PPP1R42: variants seen among roughly 807,000 people sequenced by gnomAD.
PPP1R42 encodes protein phosphatase 1 regulatory subunit 42.
In PPP1R42, 34 loss-of-function variants were observed where a neutral mutation model predicts 31.0. The observed-to-expected ratio is 1.10, with a 90% CI of 0.83 to 1.46. The LOEUF (loss-of-function observed/expected upper bound fraction) is 1.46. PPP1R42 is among the 40% of genes most tolerant of loss of function. PPP1R42 has a pLI of 0.00. For synonymous variants in PPP1R42, 103 were observed against 109.8 expected (o/e 0.94, Z 0.39); for missense variants, 268 against 303.0 (o/e 0.88, Z 0.86).
chr8:66,985,316 T>G lies in PPP1R42; in HGVS notation c.670+3084A>C, dbSNP rs1037514114. On this transcript the variant is annotated intron_variant, in intron 6 of 7. Coordinates refer to ENST00000685739, the MANE Select transcript of PPP1R42 (RefSeq NM_001364910.1). ...CAAAAAAGGTATTGGACTCCATGTC[T>G]TCTGATGGCTTTTCTTTTAGCTGTT... 13 of 812,298 alleles carry G rather than the reference T, an allele frequency of 1.6e-5. No individual in the cohort carries two copies. In the African/African-American group the frequency reaches 2.2e-4, roughly 14 times the overall value. 50.3% of individuals were successfully genotyped at this position (812,298 alleles called of 1,614,324 possible). A position where few individuals can be genotyped will look rare whatever the true frequency, so the allele number is the denominator to read the frequency against.
At chr8:66,973,792 G>C (rs1453674967) in intron 7 of PPP1R42, among the ~76,000 whole-genome samples, 1 of 152,096 alleles carries the variant, frequency 6.6e-6, no homozygotes, top group Non-Finnish European at 1.5e-5. Flanking sequence ...CTTTGAGTGT[G>C]TGAATTTAAC....
chr8:66,968,519 C>T (rs1202378770), intron 7 of PPP1R42: 1 of 982,334 alleles, frequency 1.0e-6, no homozygotes, highest in Non-Finnish European at 1.2e-6. Flanking sequence ...CTCATTCTTT[C>T]CCTTAAAGTA....
intron 7 of PPP1R42, among the ~76,000 whole-genome samples, chr8:66,968,207 C>T (rs930909242): frequency 1.3e-5 from 2 of 152,100 alleles, no homozygotes; most frequent in Non-Finnish European, 2.9e-5. Context: ...TCAAAAACAA[C>T]GTCAATGAGT....
In PPP1R42 at chr8:66,966,785, CA is replaced by C. The variant is rs767935171; in HGVS notation, c.803-2452del. 2.8e-3 allele frequency among the ~76,000 whole-genome samples: 365 copies of C among 128,952 alleles called. 3 individuals are homozygous for C. Among genetic ancestry groups the C allele is most frequent in the African/African-American group, 8.3e-3 (289 of 34,960 alleles). The allele number at this position is 128,952 out of a possible 152,430, so 84.6% of individuals were successfully genotyped here. A position where few individuals can be genotyped will look rare whatever the true frequency, so the allele number is the denominator to read the frequency against. ...GGGTGACAGAGCGAGACTCCGTCTC[CA>C]AAAAAAAAAAATTGTTTGGATAATG... On this transcript the variant is annotated intron_variant, in intron 7 of 7. Coordinates refer to ENST00000685739, the MANE Select transcript of PPP1R42 (RefSeq NM_001364910.1).
At chr8:66,984,634 T>C in intron 6 of PPP1R42, 1 of 1,339,894 alleles carries the variant, frequency 7.5e-7, no homozygotes, top group East Asian at 2.3e-5. Flanking sequence ...CTTAAGCTTT[T>C]AAATTTTCTT....
chr8:66,976,839 T>G (rs938920377), intron 7 of PPP1R42, among the ~76,000 whole-genome samples: 16 of 152,326 alleles, frequency 1.1e-4, no homozygotes, highest in Admixed American at 2.0e-4. Flanking sequence ...GTATCTTGGC[T>G]ATTGTGAATA....
intron 7 of PPP1R42, among the ~76,000 whole-genome samples, chr8:66,975,879 A>G (rs1427416152): frequency 1.3e-5 from 2 of 152,196 alleles, no homozygotes; most frequent in Non-Finnish European, 2.9e-5. Flanking sequence ...GGCATCATTC[A>G]ATATTCTCCT....
At chr8:66,999,441 G>A (rs1196120988) in intron 5 of PPP1R42, among the ~76,000 whole-genome samples, 2 of 152,128 alleles carry the variant, frequency 1.3e-5, no homozygotes, top group South Asian at 2.1e-4. Context: ...GGCTAGCCTC[G>A]AACTCCTGAC....
chr8:67,016,787 A>G (rs1193390778), intron 2 of PPP1R42, among the ~76,000 whole-genome samples: 1 of 152,146 alleles, frequency 6.6e-6, no homozygotes, highest in Admixed American at 6.6e-5. Flanking sequence ...GAGTTCTGAG[A>G]TTTTAATGCA....
chr8:67,008,716 A>T (rs1247020799), intron 5 of PPP1R42, among the ~76,000 whole-genome samples: 1 of 152,016 alleles, frequency 6.6e-6, no homozygotes, highest in Non-Finnish European at 1.5e-5. Flanking sequence ...TCAAAAAAAA[A>T]AAAAAAAAAG....
rs1194476543 is a variant in PPP1R42, at chr8:67,018,518, C to CT, written c.-84-688dup. Among the ~76,000 whole-genome samples the CT allele has an allele frequency of 5.5e-3, 756 of 136,912 alleles. 7 individuals carry two copies. The highest frequency in any genetic ancestry group is 0.04 in the South Asian group (172 of 4,270). The allele number at this position is 136,912 out of a possible 152,430, so 89.8% of individuals were successfully genotyped here. On this transcript the variant is annotated intron_variant, in intron 1 of 7. Coordinates refer to ENST00000685739, the MANE Select transcript of PPP1R42 (RefSeq NM_001364910.1). ...AGGCATGATCATAGTGCACTGCAAC[C>CT]TTTTTTTTTTTTTTGAGACGACTCT...
At chr8:66,985,502 G>A in intron 6 of PPP1R42, 2 of 1,154,984 alleles carry the variant, frequency 1.7e-6, no homozygotes, top group Non-Finnish European at 2.6e-6. Flanking sequence ...TCCCCCTTTG[G>A]GGAAGCAATG....
At chr8:66,969,102 T>A (rs1407022355) in intron 7 of PPP1R42, among the ~76,000 whole-genome samples, 1 of 152,194 alleles carries the variant, frequency 6.6e-6, no homozygotes, top group Non-Finnish European at 1.5e-5. Flanking sequence ...TAGAGTGATT[T>A]ATTTGATGTT....
intron 5 of PPP1R42, among the ~76,000 whole-genome samples, chr8:67,009,733 G>A (rs1815789165): frequency 6.6e-6 from 1 of 152,118 alleles, no homozygotes; most frequent in Non-Finnish European, 1.5e-5. Flanking sequence ...TAGATATTTT[G>A]AGGAATTCAT....
At chr8:66,977,336 C>CTT (rs1308140668) in intron 7 of PPP1R42, among the ~76,000 whole-genome samples, 33 of 125,816 alleles carry the variant, frequency 2.6e-4, no homozygotes, top group Admixed American at 1.4e-3. Context: ...CCCACCCTTG[C>CTT]TTTTTTTTTT....
At position 66,964,184 on chromosome 8, in the gene PPP1R42, A is replaced by C. The variant is rs1814319999; in HGVS notation, c.*137T>G. ...ATTGTTGCCTAGTCATATAAGGTTA[A>C]AAACAAAATCAAACGTTTCCTGTCA... On this transcript the variant is annotated 3_prime_UTR_variant, in exon 8 of 8. Coordinates refer to ENST00000685739, the MANE Select transcript of PPP1R42 (RefSeq NM_001364910.1). 3.7e-6 allele frequency: 2 copies of C among 544,294 alleles called. No homozygotes were observed. Among genetic ancestry groups the C allele is most frequent in the African/African-American group, 1.9e-5 (1 of 51,458 alleles). The allele number at this position is 544,294 out of a possible 1,614,324, so 33.7% of individuals were successfully genotyped here.
chr8:66,970,215 C>T (rs916423870), intron 7 of PPP1R42, among the ~76,000 whole-genome samples: 5 of 152,128 alleles, frequency 3.3e-5, no homozygotes, highest in African/African-American at 1.2e-4. Flanking sequence ...ATTGCAGCCT[C>T]TGTCTCCCAG....
chr8:67,016,119 T>G (rs1816010348), intron 2 of PPP1R42, among the ~76,000 whole-genome samples: 1 of 152,090 alleles, frequency 6.6e-6, no homozygotes, highest in South Asian at 2.1e-4. Flanking sequence ...GCAAAGGAAT[T>G]CGTGGGAAGA....
chr8:67,000,968 A>G (rs1410334348), intron 5 of PPP1R42, among the ~76,000 whole-genome samples: 2 of 152,040 alleles, frequency 1.3e-5, no homozygotes, highest in African/African-American at 4.8e-5. Flanking sequence ...TACTTCATAT[A>G]GTTTGTAATT....
Sources: allele counts gnomAD v4.1 joint callset (sites outside exome capture counted in the v4.1 genomes callset), GRCh38; gene constraint gnomAD v4.1.1; transcripts MANE v1.5; gene names NCBI Gene and HGNC (gene_info 2026-07-23, HGNC 2026-07-21).